The following CDH2 variants were observed in gnomAD, a reference collection of about 807,000 sequenced individuals.
The protein encoded by CDH2 is cadherin-2.
A neutral mutation model predicts 92.0 loss-of-function variants in CDH2; 17 were observed. The observed-to-expected ratio is 0.18, with a 90% CI of 0.13 to 0.28. CDH2 has a LOEUF of 0.28. Among genes scored for constraint, CDH2 ranks in the 10% least tolerant of loss-of-function variants. The pLI is 1.00. For synonymous variants in CDH2, 419 were observed against 415.9 expected (o/e 1.01, Z -0.09); for missense variants, 862 against 1,133.1 (o/e 0.76, Z 3.44).
downstream of CDH2, among the ~76,000 whole-genome samples, chr18:27,946,381 T>C (rs550242805): frequency 9.2e-5 from 14 of 152,222 alleles, no homozygotes; most frequent in South Asian, 4.1e-4. Flanking sequence ...TAAGGTATGA[T>C]ACAGATTTTA....
chr18:28,147,425 CG>C lies in CDH2; in HGVS notation c.172+247del, dbSNP rs2144326593. Reference sequence around the variant, plus strand: ...AAAATGGTAATAATCAGTTACATAACGGTTTCTCTGTAAATTAAAAATGGAA... The same window carrying C: ...AAAATGGTAATAATCAGTTACATAACGTTTCTCTGTAAATTAAAAATGGAA... On this transcript the variant is annotated intron_variant, in intron 2 of 15. Coordinates refer to ENST00000269141, the MANE Select transcript of CDH2 (RefSeq NM_001792.5). Among the ~76,000 whole-genome samples, 3 of 152,064 alleles carry C rather than the reference CG, an allele frequency of 2.0e-5. No homozygotes were observed. The South Asian group carries it at 6.2e-4, about 32-fold the overall frequency.
At chr18:28,121,988 G>A (rs1415282514) in intron 2 of CDH2, among the ~76,000 whole-genome samples, 1 of 152,028 alleles carries the variant, frequency 6.6e-6, no homozygotes, top group Admixed American at 6.6e-5. Context: ...AAATGAGGGT[G>A]GTCTTCCCTT....
intron 2 of CDH2, among the ~76,000 whole-genome samples, chr18:28,137,452 C>T (rs968375029): frequency 9.2e-5 from 14 of 152,096 alleles, no homozygotes; most frequent in African/African-American, 2.7e-4. Context: ...TGGTGACTTT[C>T]TCCTTATAAG....
At chr18:28,149,011 A>G (rs1598509162) in intron 1 of CDH2, among the ~76,000 whole-genome samples, 3 of 152,342 alleles carry the variant, frequency 2.0e-5, no homozygotes, top group South Asian at 4.1e-4. Context: ...GTTCAGGCCC[A>G]TCGAATGAGT....
chr18:28,058,837 A>G (rs1459728510), intron 2 of CDH2, among the ~76,000 whole-genome samples: 2 of 152,212 alleles, frequency 1.3e-5, no homozygotes, highest in African/African-American at 4.8e-5. Flanking sequence ...ATGGAACGCT[A>G]GATTGCTTAT....
chr18:28,165,808 AAAAG>A (rs1176349464), intron 1 of CDH2, among the ~76,000 whole-genome samples: 6 of 151,684 alleles, frequency 4.0e-5, no homozygotes, highest in Admixed American at 3.3e-4. Context: ...ACCTTAAGAG[AAAAG>A]AAAGAAAAAG....
At chr18:28,125,705 TA>T (rs1430404873) in intron 2 of CDH2, among the ~76,000 whole-genome samples, 1 of 152,204 alleles carries the variant, frequency 6.6e-6, no homozygotes, top group Non-Finnish European at 1.5e-5. Flanking sequence ...AAGCACTTTA[TA>T]ATATTAACTC....
chr18:28,028,188 C>A (rs915500964), intron 2 of CDH2, among the ~76,000 whole-genome samples: 4 of 151,986 alleles, frequency 2.6e-5, no homozygotes, highest in African/African-American at 9.7e-5. Context: ...CTAAATTAAA[C>A]CTGTTTCTCA....
intron 2 of CDH2, among the ~76,000 whole-genome samples, chr18:28,099,595 G>C (rs1313899073): frequency 1.3e-5 from 2 of 152,090 alleles, no homozygotes; most frequent in Admixed American, 6.6e-5. Context: ...CTAGAAAGAA[G>C]TTTAGTAAGG....
At chr18:28,147,496 T>C (rs971986473) in intron 2 of CDH2, among the ~76,000 whole-genome samples, 177 bp downstream of exon 2, 1 of 152,156 alleles carries the variant, frequency 6.6e-6, no homozygotes, top group Non-Finnish European at 1.5e-5. Context: ...AAATTATGTA[T>C]ATAAGAGATT....
intron 1 of CDH2, among the ~76,000 whole-genome samples, chr18:28,176,461 C>G (rs1447361764): frequency 1.3e-5 from 2 of 152,136 alleles, no homozygotes; most frequent in African/African-American, 4.8e-5. Context: ...CCTTGAGCAC[C>G]GGGAGGCGCA....
At chr18:28,015,423 T>G (rs1567965011) in intron 2 of CDH2, among the ~76,000 whole-genome samples, 1 of 152,176 alleles carries the variant, frequency 6.6e-6, no homozygotes, top group Non-Finnish European at 1.5e-5. Context: ...TACTCCATCT[T>G]CCATGCCCCA....
At chr18:28,012,884 A>G (rs553701693) in intron 3 of CDH2, among the ~76,000 whole-genome samples, 2 of 152,278 alleles carry the variant, frequency 1.3e-5, no homozygotes, top group South Asian at 4.1e-4. Context: ...CCAGAAATGA[A>G]TGTGTCTGTT....
intron 2 of CDH2, among the ~76,000 whole-genome samples, chr18:28,111,584 A>G (rs1397510844): frequency 1.3e-5 from 2 of 152,198 alleles, no homozygotes; most frequent in African/African-American, 4.8e-5. Flanking sequence ...CTGAAATTCA[A>G]AACACTGAGT....
chr18:28,141,323 C>A (rs189700825), intron 2 of CDH2, among the ~76,000 whole-genome samples: 1 of 151,726 alleles, frequency 6.6e-6, no homozygotes, highest in South Asian at 2.1e-4. Flanking sequence ...AGAAGTCAGT[C>A]GCAAAAGGTG....
At position 27,985,201 on chromosome 18, in the gene CDH2, AT is replaced by A; in HGVS notation, c.2007del (p.Lys669AsnfsTer13). 6.2e-7 allele frequency: 1 copy of A among 1,611,910 alleles called. No homozygotes were observed. On this transcript the variant is annotated frameshift_variant, in exon 13 of 16. Transcript: ENST00000269141. LOFTEE classifies it high-confidence loss of function. The part of the protein sequence containing the change: ...GDFAQLNLKI[K>X]FLEAGIYEVP... The stretch of plus-strand genomic sequence containing the variant: ...ACTTCATAGATACCAGCTTCAAGAA[AT>A]TTTATCTTTAAATTAAGCTGAGCAA...
chr18:28,121,087 G>T (rs540424048), intron 2 of CDH2, among the ~76,000 whole-genome samples: 1 of 152,234 alleles, frequency 6.6e-6, no homozygotes, highest in South Asian at 2.1e-4. Context: ...AGTATCCAGT[G>T]CTTAGAATAT....
intron 2 of CDH2, among the ~76,000 whole-genome samples, chr18:28,086,162 G>A (rs1188921398): frequency 1.3e-5 from 2 of 152,142 alleles, no homozygotes; most frequent in Non-Finnish European, 2.9e-5. Flanking sequence ...GTTTGCAATT[G>A]AGAAGTTGAT....
chr18:27,941,532 C>A (rs1027351444), intron 6 of CDH2, among the ~76,000 whole-genome samples: 1 of 152,066 alleles, frequency 6.6e-6, no homozygotes. Flanking sequence ...GAATGTGATT[C>A]TGATTAACGA....
Sources: allele counts gnomAD v4.1 joint callset (sites outside exome capture counted in the v4.1 genomes callset), GRCh38; gene constraint gnomAD v4.1.1; transcripts MANE v1.5; gene names NCBI Gene and HGNC (gene_info 2026-07-23, HGNC 2026-07-21).